The following COL12A1 variants were observed in gnomAD, a reference collection of about 807,000 sequenced individuals.
The protein encoded by COL12A1 is collagen alpha-1(XII) chain.
Under a neutral mutation model 349.7 loss-of-function variants are expected in COL12A1, and 114 were observed. The ratio of observed to expected loss-of-function variants is 0.33; its 90% CI spans 0.28 to 0.38. The LOEUF (loss-of-function observed/expected upper bound fraction) is 0.38, where lower values mean the gene tolerates loss of function less well. COL12A1 is among the 10% of genes least tolerant of loss of function. The pLI, the probability that COL12A1 is intolerant of heterozygous loss-of-function variation, is 1.00. For synonymous variants in COL12A1, 1,369 were observed against 1,329.0 expected (o/e 1.03, Z -0.66); for missense variants, 3,284 against 3,756.9 (o/e 0.87, Z 3.29).
intron 13 of COL12A1, among the ~76,000 whole-genome samples, chr6:75,168,519 C>T (rs1265458223): frequency 6.6e-6 from 1 of 152,128 alleles, no homozygotes; most frequent in East Asian, 1.9e-4. Flanking sequence ...GGCCTTGGGG[C>T]CCTCAGCAGC....
intron 51 of COL12A1, among the ~76,000 whole-genome samples, chr6:75,110,600 AG>A (rs1768790087): frequency 6.6e-6 from 1 of 151,982 alleles, no homozygotes; most frequent in Admixed American, 6.6e-5. Context: ...CTGCCATTCT[AG>A]TTCTCTTTCT....
At chr6:75,167,507 C>T (rs1214738123) in intron 13 of COL12A1, among the ~76,000 whole-genome samples, 4 of 152,042 alleles carry the variant, frequency 2.6e-5, no homozygotes, top group Non-Finnish European at 4.4e-5. Flanking sequence ...AAATTAACAC[C>T]GGGGTAATTT....
rs1276090222 is a variant in COL12A1, at chr6:75,197,663, C to A, written c.74-2716G>T. On this transcript the variant is annotated intron_variant, in intron 2 of 65. Transcript: ENST00000322507. ...GCATATTGATTATAACTGCAAAGAG[C>A]CATAGTTGCATAGGATGAGAATCCA... Among the ~76,000 whole-genome samples, 3 of 151,878 alleles carry A rather than the reference C, an allele frequency of 2.0e-5. No homozygotes were observed. In the East Asian group the frequency reaches 5.8e-4, roughly 29 times the overall value.
At chr6:75,117,977 A>G (rs1298915997) in intron 46 of COL12A1, among the ~76,000 whole-genome samples, 1 of 152,142 alleles carries the variant, frequency 6.6e-6, no homozygotes, top group Non-Finnish European at 1.5e-5. Flanking sequence ...TCAAAGGCAG[A>G]ACTCTGGCCA....
chr6:75,194,133 G>C (rs1770099510), intron 3 of COL12A1, among the ~76,000 whole-genome samples: 1 of 152,086 alleles, frequency 6.6e-6, no homozygotes, highest in Admixed American at 6.6e-5. Flanking sequence ...TCTAGTTCTA[G>C]ATCCTTAAGG....
chr6:75,115,002 A>G (rs1247295365), intron 49 of COL12A1, among the ~76,000 whole-genome samples: 1 of 152,158 alleles, frequency 6.6e-6, no homozygotes, highest in Non-Finnish European at 1.5e-5. Flanking sequence ...ATGGTTAACC[A>G]TTAAAGGAGT....
rs1398882971 is a variant in COL12A1, at chr6:75,113,819, T to C, written c.7698-75A>G. 4 of 1,166,788 alleles carry C rather than the reference T, an allele frequency of 3.4e-6. No individual in the cohort carries two copies. The African/African-American group carries it at 4.6e-5, about 14-fold the overall frequency. The allele number at this position is 1,166,788 out of a possible 1,614,324, so 72.3% of individuals were successfully genotyped here. ...AGGAAGAAAGAAAGATTGATTGCTT[T>C]AACATCAAGAACAGATACTCTTTTA... On this transcript the variant is annotated intron_variant, in intron 49 of 65. Coordinates refer to ENST00000322507, the MANE Select transcript of COL12A1 (RefSeq NM_004370.6).
chr6:75,149,490 T>G (rs1334784393), intron 21 of COL12A1, among the ~76,000 whole-genome samples: 1 of 152,116 alleles, frequency 6.6e-6, no homozygotes, highest in Non-Finnish European at 1.5e-5. Flanking sequence ...CTACCGCCTG[T>G]GATTGTGCTC....
chr6:75,120,368 T>G (rs77296000), intron 44 of COL12A1, among the ~76,000 whole-genome samples: 1,668 of 152,336 alleles, frequency 0.011, 36 homozygotes, highest in African/African-American at 0.038. Flanking sequence ...TGAAATTGTT[T>G]GTGGTTTATT....
At chr6:75,187,590 T>A (rs553844356) in intron 8 of COL12A1, among the ~76,000 whole-genome samples, 1 of 152,188 alleles carries the variant, frequency 6.6e-6, no homozygotes, top group South Asian at 2.1e-4. Flanking sequence ...CATGAAGTAA[T>A]GAGAGGTTCT....
At chr6:75,195,265 A>G (rs750466520) in intron 2 of COL12A1, among the ~76,000 whole-genome samples, 2 of 152,196 alleles carry the variant, frequency 1.3e-5, no homozygotes, top group African/African-American at 2.4e-5. Context: ...GAAATCACAT[A>G]TAATAACCAC....
intron 47 of COL12A1, among the ~76,000 whole-genome samples, chr6:75,117,140 A>G (rs964803371): frequency 6.6e-6 from 1 of 152,168 alleles, no homozygotes; most frequent in African/African-American, 2.4e-5. Context: ...TGGTGGGAAA[A>G]GGATATATTG....
rs750893629 is a variant in COL12A1, at chr6:75,085,252, C to G, written c.*1295G>C. ...CGCCGGTGGGGCTCAGGAGGCTCCT[C>G]TGCAGGCTCGTCTGCGCCGTAGTCC... On this transcript the variant is annotated 3_prime_UTR_variant, in exon 66 of 66. Transcript: ENST00000322507. 2.1e-6 allele frequency: 1 copy of G among 470,826 alleles called. No individual in the cohort carries two copies. 29.2% of individuals were successfully genotyped at this position (470,826 alleles called of 1,614,324 possible).
intron 41 of COL12A1, 70 bp from the exon 42 acceptor site, chr6:75,124,164 T>C (rs1385753560): frequency 1.9e-6 from 3 of 1,594,606 alleles, no homozygotes; most frequent in Non-Finnish European, 2.6e-6. Context: ...TTATATCGCA[T>C]TGTTATAAAC....
chr6:75,145,972 C>A, intron 24 of COL12A1, 130 bp downstream of exon 24: 1 of 1,057,138 alleles, frequency 9.5e-7, no homozygotes, highest in Non-Finnish European at 1.3e-6. Flanking sequence ...AGACCACAAA[C>A]CTACTTTTCT....
In COL12A1 at chr6:75,084,624, T is replaced by C. The variant is rs1033009482; in HGVS notation, c.*1923A>G. On this transcript the variant is annotated 3_prime_UTR_variant, in exon 66 of 66. Coordinates refer to ENST00000322507, the MANE Select transcript of COL12A1 (RefSeq NM_004370.6). ...AAGGCAATATGGAACTGTATCCCGTTGATGCACTAACTTCATCTACATGGC... is the reference window on the plus strand; with the variant it reads ...AAGGCAATATGGAACTGTATCCCGTCGATGCACTAACTTCATCTACATGGC... The C allele has an allele frequency of 2.0e-5, 3 of 153,126 alleles. No individual in the cohort carries two copies. The highest frequency in any genetic ancestry group is 2.9e-5 in the Non-Finnish European group (2 of 68,374). The allele number at this position is 153,126 out of a possible 1,614,324, so 9.5% of individuals were successfully genotyped here. A position where few individuals can be genotyped will look rare whatever the true frequency, so the allele number is the denominator to read the frequency against.
At chr6:75,114,230 C>T (rs1335319817) in intron 49 of COL12A1, among the ~76,000 whole-genome samples, 2 of 151,850 alleles carry the variant, frequency 1.3e-5, no homozygotes, top group Non-Finnish European at 2.9e-5. Flanking sequence ...ATTTCTCTCT[C>T]CCTCCCTATC....
At chr6:75,202,035 T>C (rs940329080) in intron 2 of COL12A1, among the ~76,000 whole-genome samples, 1 of 152,136 alleles carries the variant, frequency 6.6e-6, no homozygotes, top group Non-Finnish European at 1.5e-5. Context: ...TGGCCCAGGC[T>C]CAACCTGTCT....
chr6:75,122,487 A>T (rs1268082318), intron 43 of COL12A1, among the ~76,000 whole-genome samples: 1 of 152,190 alleles, frequency 6.6e-6, no homozygotes, highest in African/African-American at 2.4e-5. Flanking sequence ...GTTGCTATGA[A>T]CCTAAAACTA....
Sources: allele counts gnomAD v4.1 joint callset (sites outside exome capture counted in the v4.1 genomes callset), GRCh38; gene constraint gnomAD v4.1.1; transcripts MANE v1.5; gene names NCBI Gene and HGNC (gene_info 2026-07-23, HGNC 2026-07-21).